The following PHACTR1 variants were observed in gnomAD, a reference collection of about 807,000 sequenced individuals.
PHACTR1 encodes phosphatase and actin regulator 1, also known as RPEL repeat containing 1.
Under a neutral mutation model 69.2 loss-of-function variants are expected in PHACTR1, and 16 were observed. The ratio of observed to expected loss-of-function variants is 0.23; its 90% CI spans 0.16 to 0.35. The LOEUF is 0.35. Among genes scored for constraint, PHACTR1 ranks in the 10% least tolerant of loss-of-function variants. PHACTR1 has a pLI of 1.00. For missense variants in PHACTR1, 510 were observed against 734.7 expected (o/e 0.69, Z 3.54); for synonymous variants, 312 against 284.5 (o/e 1.10, Z -0.97).
chr6:12,766,765 A>C (rs1256270434), intron 4 of PHACTR1, among the ~76,000 whole-genome samples: 2 of 152,210 alleles, frequency 1.3e-5, no homozygotes, highest in African/African-American at 4.8e-5. Flanking sequence ...TTTGCTGCTA[A>C]AAATATTGAA....
At chr6:12,760,726 A>C (rs1377210283) in intron 4 of PHACTR1, among the ~76,000 whole-genome samples, 1 of 152,210 alleles carries the variant, frequency 6.6e-6, no homozygotes, top group Non-Finnish European at 1.5e-5. Flanking sequence ...TGAGGTCAGC[A>C]GTTCGAGACC....
At chr6:12,786,817 A>G (rs909454681) in intron 4 of PHACTR1, among the ~76,000 whole-genome samples, 2 of 152,250 alleles carry the variant, frequency 1.3e-5, no homozygotes, top group Non-Finnish European at 2.9e-5. Context: ...AACCATAGTC[A>G]TGTATAAAAA....
At chr6:12,765,966 A>T (rs1768561291) in intron 4 of PHACTR1, among the ~76,000 whole-genome samples, 1 of 152,210 alleles carries the variant, frequency 6.6e-6, no homozygotes. Flanking sequence ...TGATTTTGCC[A>T]GTTTTGAAAA....
At position 13,252,995 on chromosome 6, in the gene PHACTR1, T is replaced by C. The variant is rs147703224; in HGVS notation, c.1392-19865T>C. ...ATCTCATCTGAACTTGAGTTGTTAT[T>C]GTTTCCAGAAACAAGTTCAGAAGAG... is the stretch of plus-strand genomic sequence containing the variant. On this transcript the variant is annotated intron_variant, in intron 10 of 14. Coordinates refer to ENST00000332995, the MANE Select transcript of PHACTR1 (RefSeq NM_030948.6). 319 of 453,580 alleles carry C rather than the reference T, an allele frequency of 7.0e-4. 1 individual carries two copies. Among genetic ancestry groups the C allele is most frequent in the African/African-American group, 4.4e-3 (219 of 50,182 alleles). 28.1% of individuals were successfully genotyped at this position (453,580 alleles called of 1,614,324 possible).
intron 4 of PHACTR1, among the ~76,000 whole-genome samples, chr6:12,813,979 G>A (rs1775303370): frequency 6.6e-6 from 1 of 152,216 alleles, no homozygotes. Context: ...AGAAGCATCA[G>A]TTCAGTGGAT....
At chr6:13,258,229 G>T (rs1157746660) in intron 10 of PHACTR1, among the ~76,000 whole-genome samples, 1 of 151,884 alleles carries the variant, frequency 6.6e-6, no homozygotes, top group Non-Finnish European at 1.5e-5. Context: ...ATGGTGGCGC[G>T]TGCCTGTAAT....
At position 12,985,352 on chromosome 6, in the gene PHACTR1, A is replaced by G. The variant is rs114435627; in HGVS notation, c.251-68013A>G. 4.0e-3 allele frequency among the ~76,000 whole-genome samples: 610 copies of G among 152,162 alleles called. 7 individuals are homozygous for G. Among genetic ancestry groups the G allele is most frequent in the African/African-American group, 0.014 (593 of 41,512 alleles). On this transcript the variant is annotated intron_variant, in intron 4 of 14. Transcript: ENST00000332995. ...TTGCATGGGCTCAAATAGCAGGCAT[A>G]GGTTTAAAATTGATTGAAGGTAGAT...
intron 4 of PHACTR1, among the ~76,000 whole-genome samples, chr6:12,763,215 AAAC>A (rs71701647): frequency 0.34 from 51,350 of 149,936 alleles, 10,171 homozygotes; most frequent in African/African-American, 0.54. Flanking sequence ...TCCGTCTCAA[AAAC>A]AACAACAACA....
chr6:12,774,510 G>A (rs557892468), intron 4 of PHACTR1, among the ~76,000 whole-genome samples: 1 of 152,130 alleles, frequency 6.6e-6, no homozygotes, highest in African/African-American at 2.4e-5. Flanking sequence ...TCCTGCTTCA[G>A]CCTCCCAAGT....
chr6:13,107,609 A>C (rs1816378913), intron 5 of PHACTR1, among the ~76,000 whole-genome samples: 1 of 152,180 alleles, frequency 6.6e-6, no homozygotes, highest in Non-Finnish European at 1.5e-5. Context: ...TACGTCTTTC[A>C]AACAATCTCT....
intron 5 of PHACTR1, among the ~76,000 whole-genome samples, chr6:13,159,768 C>T (rs1448451642): frequency 2.0e-5 from 3 of 152,092 alleles, no homozygotes; most frequent in East Asian, 3.9e-4. Flanking sequence ...CATGAAACCC[C>T]GTCTCTACTA....
At chr6:12,839,329 C>T (rs1355315732) in intron 4 of PHACTR1, among the ~76,000 whole-genome samples, 1 of 152,182 alleles carries the variant, frequency 6.6e-6, no homozygotes, top group African/African-American at 2.4e-5. Flanking sequence ...CCTGTACTTG[C>T]CCCATCCTTG....
At chr6:13,119,709 G>A (rs1422495883) in intron 5 of PHACTR1, among the ~76,000 whole-genome samples, 2 of 152,188 alleles carry the variant, frequency 1.3e-5, no homozygotes, top group Admixed American at 6.5e-5. Flanking sequence ...GAGGCTGAGC[G>A]GATAAATGCT....
In PHACTR1 at chr6:13,195,757, C is replaced by CAAAAAAAAAA. The variant is rs869092852; in HGVS notation, c.665-10044_665-10035dup. Among the ~76,000 whole-genome samples the CAAAAAAAAAA allele has an allele frequency of 5.6e-3, 232 of 41,468 alleles. 48 individuals carry two copies. Among genetic ancestry groups the CAAAAAAAAAA allele is most frequent in the Non-Finnish European group, 9.0e-3 (168 of 18,664 alleles). 27.2% of individuals were successfully genotyped at this position (41,468 alleles called of 152,430 possible). A position where few individuals can be genotyped will look rare whatever the true frequency, so the allele number is the denominator to read the frequency against. ...TGGGCGACAGAGAGAGACACCGTCT[C>CAAAAAAAAAA]AAAAAAAAAAAAAAAAAAAAAAAGT... On this transcript the variant is annotated intron_variant, in intron 7 of 14. Transcript: ENST00000332995.
At chr6:13,190,962 A>G (rs916477798) in intron 7 of PHACTR1, among the ~76,000 whole-genome samples, 5 of 152,064 alleles carry the variant, frequency 3.3e-5, no homozygotes, top group African/African-American at 1.2e-4. Context: ...ATGCTTGACC[A>G]ATATTCCTGG....
At chr6:13,256,358 G>C (rs1393360319) in intron 10 of PHACTR1, among the ~76,000 whole-genome samples, 2 of 152,210 alleles carry the variant, frequency 1.3e-5, no homozygotes, top group African/African-American at 2.4e-5. Context: ...GTGGCTTCCA[G>C]GTCTTTTCCC....
intron 4 of PHACTR1, among the ~76,000 whole-genome samples, chr6:12,912,388 T>A (rs1359857595): frequency 6.6e-6 from 1 of 152,232 alleles, no homozygotes; most frequent in Non-Finnish European, 1.5e-5. Context: ...ATGTTGGTAA[T>A]TTTTTCCATT....
intron 4 of PHACTR1, among the ~76,000 whole-genome samples, chr6:12,892,951 A>T (rs956049153): frequency 2.6e-5 from 4 of 152,204 alleles, no homozygotes; most frequent in African/African-American, 9.7e-5. Context: ...CCTTGAAGTA[A>T]TGGTGGGATT....
chr6:12,875,909 T>C (rs1782486477), intron 4 of PHACTR1, among the ~76,000 whole-genome samples: 1 of 152,078 alleles, frequency 6.6e-6, no homozygotes, highest in Non-Finnish European at 1.5e-5. Context: ...GGGCGCTGCG[T>C]GGAAAAACCA....
Sources: gnomAD v4.1 joint callset for allele counts (sites outside exome capture counted in the v4.1 genomes callset) on GRCh38, gnomAD v4.1.1 for gene constraint, MANE v1.5 for transcripts, NCBI Gene and HGNC (gene_info 2026-07-23, HGNC 2026-07-21) for gene names.